Variants in JCAD observed in about 807,000 individuals in gnomAD.
The protein encoded by JCAD is junctional cadherin 5-associated protein.
Under a neutral mutation model 98.0 loss-of-function variants are expected in JCAD, and 40 were observed. The observed-to-expected ratio is 0.41, with a 90% CI of 0.32 to 0.53. JCAD has a LOEUF of 0.53. Among genes scored for constraint, JCAD ranks in the 20% least tolerant of loss-of-function variants. JCAD has a pLI of 0.31. For missense variants in JCAD, 1,705 were observed against 1,738.1 expected (o/e 0.98, Z 0.34); for synonymous variants, 691 against 682.3 (o/e 1.01, Z -0.20).
chr10:30,113,303 C>A (rs1478106588), intron 1 of JCAD, among the ~76,000 whole-genome samples: 1 of 151,886 alleles, frequency 6.6e-6, no homozygotes, highest in Admixed American at 6.6e-5. Context: ...GTAATCCCAG[C>A]ACTCTGGGAG....
chr10:30,064,537 TC>T (rs778564026), upstream of JCAD, among the ~76,000 whole-genome samples: 21 of 152,330 alleles, frequency 1.4e-4, no homozygotes, highest in East Asian at 1.9e-3. Context: ...ACATTCAAAA[TC>T]CTCTCTTCTA....
intron 1 of JCAD, among the ~76,000 whole-genome samples, chr10:30,050,326 A>C (rs1837443001): frequency 7.3e-6 from 1 of 137,582 alleles, no homozygotes. Context: ...AAAAAAAAAA[A>C]AAAAAAAAAA....
At position 30,104,005 on chromosome 10, in the gene JCAD, C is replaced by T. The variant is rs148692747; in HGVS notation, n.128+11362G>A. ...CAAAGAAAGTATCATGGGGATACAC[C>T]AAAAGAATTGAACTCTAGTTTGAAT... On this transcript the variant is annotated intron_variant and non_coding_transcript_variant, in intron 1 of 2. Transcript: ENST00000465712. Among the ~76,000 whole-genome samples, 331 of 152,184 alleles carry T rather than the reference C, an allele frequency of 2.2e-3. 1 individual carries two copies. Among genetic ancestry groups the T allele is most frequent in the African/African-American group, 7.5e-3 (310 of 41,516 alleles).
intron 3 of JCAD, among the ~76,000 whole-genome samples, chr10:30,018,399 C>A (rs1050468209): frequency 1.3e-5 from 2 of 151,670 alleles, no homozygotes; most frequent in Non-Finnish European, 2.9e-5. Flanking sequence ...ATCCTCAAAT[C>A]CTGACTGCTT....
chr10:30,062,774 C>T (rs143514137), upstream of JCAD, among the ~76,000 whole-genome samples: 65 of 152,238 alleles, frequency 4.3e-4, no homozygotes, highest in African/African-American at 1.4e-3. Context: ...ACAAGAACGG[C>T]ATGGGAAAAA....
chr10:30,104,559 C>T (rs1292298837), intron 1 of JCAD, among the ~76,000 whole-genome samples: 4 of 152,110 alleles, frequency 2.6e-5, no homozygotes, highest in African/African-American at 7.2e-5. Flanking sequence ...AATAGACACA[C>T]TGGGGACCAC....
chr10:30,105,732 G>C (rs1838565751), intron 1 of JCAD, among the ~76,000 whole-genome samples: 1 of 152,054 alleles, frequency 6.6e-6, no homozygotes, highest in Non-Finnish European at 1.5e-5. Flanking sequence ...GAAAAATAAG[G>C]CTATTGTAAA....
intron 1 of JCAD, among the ~76,000 whole-genome samples, chr10:30,084,206 GA>G (rs930938127): frequency 1.3e-5 from 2 of 151,556 alleles, no homozygotes; most frequent in Admixed American, 6.6e-5. Context: ...GAGAAGGAAA[GA>G]AAGGGAAGGA....
chr10:30,070,893 TTG>T (rs2132671129), intron 1 of JCAD, among the ~76,000 whole-genome samples: 1 of 152,200 alleles, frequency 6.6e-6, no homozygotes, highest in South Asian at 2.1e-4. Flanking sequence ...AGTGTTTTTG[TTG>T]TTGTTGTTGT....
At chr10:30,091,592 A>G (rs1342864784) in intron 1 of JCAD, among the ~76,000 whole-genome samples, 1 of 152,032 alleles carries the variant, frequency 6.6e-6, no homozygotes. Context: ...GTAATTATCT[A>G]TGGACATAAT....
At chr10:30,097,586 A>G (rs1367628803) in intron 1 of JCAD, among the ~76,000 whole-genome samples, 1 of 152,064 alleles carries the variant, frequency 6.6e-6, no homozygotes, top group Non-Finnish European at 1.5e-5. Context: ...TGCATCTACT[A>G]AAAATACAAA....
chr10:30,053,634 T>C lies in JCAD; in HGVS notation c.-59-5763A>G, dbSNP rs765354316. Among the ~76,000 whole-genome samples the C allele has an allele frequency of 5.9e-5, 9 of 151,816 alleles. No homozygotes were observed. The East Asian group carries it at 1.5e-3, about 26-fold the overall frequency. On this transcript the variant is annotated intron_variant, in intron 1 of 3. Transcript: ENST00000375377. The stretch of plus-strand genomic sequence containing the variant: ...AAATCTTTAAACATCTGAAACCCTA[T>C]GGAATAATCTCACTTCTTAGGATCT...
chr10:30,098,275 T>C (rs1838410152), intron 1 of JCAD, among the ~76,000 whole-genome samples: 2 of 152,092 alleles, frequency 1.3e-5, no homozygotes, highest in African/African-American at 2.4e-5. Flanking sequence ...CCGTGATCCT[T>C]CCTCCACAGG....
At chr10:30,033,112 A>T (rs528322720) in intron 2 of JCAD, among the ~76,000 whole-genome samples, 6 of 152,346 alleles carry the variant, frequency 3.9e-5, no homozygotes, top group Admixed American at 3.3e-4. Flanking sequence ...GGTAGGTTAA[A>T]TGATTTCCCC....
In JCAD at chr10:30,015,193, C is replaced by A. The variant is rs1278954019; in HGVS notation, c.*2690G>T. ...TTAGCCCAAATGGTCAAAATTACAA[C>A]TTTTAATTTTATGAGCTCCAAATTA... is the stretch of plus-strand genomic sequence containing the variant. On this transcript the variant is annotated 3_prime_UTR_variant, in exon 4 of 4. Transcript: ENST00000375377. 2 of 152,144 alleles carry A rather than the reference C, an allele frequency of 1.3e-5. No homozygotes were observed. The highest frequency in any genetic ancestry group is 2.9e-5 in the Non-Finnish European group (2 of 68,024). The allele number at this position is 152,144 out of a possible 1,614,324, so 9.4% of individuals were successfully genotyped here. A position where few individuals can be genotyped will look rare whatever the true frequency, so the allele number is the denominator to read the frequency against.
At chr10:30,099,548 A>G (rs921950469) in intron 1 of JCAD, among the ~76,000 whole-genome samples, 2 of 152,178 alleles carry the variant, frequency 1.3e-5, no homozygotes, top group African/African-American at 2.4e-5. Context: ...GAATAATAAG[A>G]TGAAAAAAAA....
intron 2 of JCAD, among the ~76,000 whole-genome samples, chr10:30,068,407 A>AAAAAAAC: frequency 6.6e-6 from 1 of 151,406 alleles, no homozygotes; most frequent in African/African-American, 2.4e-5. Flanking sequence ...AAAAAAAAAA[A>AAAAAAAC]AAAAAAAAGA....
At chr10:30,115,005 G>A (rs936487128) in intron 1 of JCAD, among the ~76,000 whole-genome samples, 2 of 152,168 alleles carry the variant, frequency 1.3e-5, no homozygotes, top group African/African-American at 2.4e-5. Context: ...GCTGGGAACC[G>A]CTTCTGTATG....
intron 3 of JCAD, among the ~76,000 whole-genome samples, chr10:30,018,360 A>T (rs955762244): frequency 2.0e-5 from 3 of 148,330 alleles, no homozygotes; most frequent in Non-Finnish European, 3.0e-5. Flanking sequence ...CATCTTTGTG[A>T]TCAAACGCTG....
Sources: allele counts gnomAD v4.1 joint callset (sites outside exome capture counted in the v4.1 genomes callset), GRCh38; gene constraint gnomAD v4.1.1; transcripts MANE v1.5; gene names NCBI Gene and HGNC (gene_info 2026-07-23, HGNC 2026-07-21).